Variants in SRRM3 observed in about 807,000 individuals in gnomAD.
SRRM3 encodes serine/arginine repetitive matrix 3.
Under a neutral mutation model 66.2 loss-of-function variants are expected in SRRM3, and 27 were observed. The observed-to-expected ratio is 0.41, with a 90% CI of 0.30 to 0.56. SRRM3 has a LOEUF of 0.56. Ranked by LOEUF, SRRM3 falls within the 20% of genes least tolerant of loss-of-function variation. The pLI is 0.32. For missense variants in SRRM3, 918 were observed against 991.9 expected (o/e 0.93, Z 1.00); for synonymous variants, 391 against 414.9 (o/e 0.94, Z 0.70).
In SRRM3 at chr7:76,260,196, C is replaced by T. The variant is rs915739393; in HGVS notation, c.544C>T (p.Arg182Cys). 1 of 1,536,612 alleles carries T rather than the reference C, an allele frequency of 6.5e-7. No individual in the cohort carries two copies. Among genetic ancestry groups the T allele is most frequent in the South Asian group, 1.2e-5 (1 of 83,032 alleles). ...KKKKGGHRRS[R>C]KKRRLESECS... The stretch of plus-strand genomic sequence containing the variant: ...AAAGAAAGGCGGCCACCGGAGAAGC[C>T]GGTGAGAACCGCGCCTGACCGGAGC... The change falls in exon 5 of 15, where the codon CGC becomes TGC. Residue 182 changes from arginine to cysteine, a missense_variant and splice_region_variant. By Grantham distance (180) the Arg-to-Cys change is radical. Transcript: ENST00000611745.
chr7:76,237,492 T>C (rs1801180658), intron 2 of SRRM3, among the ~76,000 whole-genome samples: 1 of 152,168 alleles, frequency 6.6e-6, no homozygotes, highest in Non-Finnish European at 1.5e-5. Context: ...GGAGAATCGC[T>C]TGAACCCGCG....
chr7:76,282,677 C>A lies in SRRM3; in HGVS notation c.1400C>A (p.Pro467His). Residue 467 changes from proline (P) to histidine (H), a missense_variant, in exon 13 of 15, where the codon CCC (proline) becomes CAC (histidine). Pro to His is a moderately conservative substitution (Grantham distance 77). Transcript: ENST00000611745. ...RAKERPPRAR[P>H]ASTSPSPGAH... is the part of the protein sequence containing the mutation. ...AAGGAGCGGCCCCCGCGCGCGCGGC[C>A]CGCCAGCACCTCTCCGTCCCCGGGC... 1 of 1,413,222 alleles carries A rather than the reference C, an allele frequency of 7.1e-7. No individual in the cohort carries two copies. Among genetic ancestry groups the A allele is most frequent in the Non-Finnish European group, 9.2e-7 (1 of 1,091,724 alleles). The allele number at this position is 1,413,222 out of a possible 1,614,324, so 87.5% of individuals were successfully genotyped here.
At chr7:76,264,645 G>T in intron 8 of SRRM3, 120 bp from the exon 9 acceptor site, 1 of 1,014,016 alleles carries the variant, frequency 9.9e-7, no homozygotes, top group Non-Finnish European at 1.5e-6. Flanking sequence ...GCCAGCCATG[G>T]GGCTTAGGCC....
At chr7:76,284,129 A>AGCCAGACC (rs1202756329) in intron 14 of SRRM3, among the ~76,000 whole-genome samples, 1 of 151,514 alleles carries the variant, frequency 6.6e-6, no homozygotes, top group African/African-American at 2.4e-5. Context: ...CAGAGCTCAA[A>AGCCAGACC]GCCAGACCGC....
rs529860738 is a variant in SRRM3, at chr7:76,275,513, A to G, written c.1009-5928A>G. Among the ~76,000 whole-genome samples the G allele has an allele frequency of 7.1e-3, 1,079 of 151,482 alleles. 10 individuals are homozygous for G. Among genetic ancestry groups the G allele is most frequent in the African/African-American group, 0.023 (926 of 41,034 alleles). ...CTGCTCCCTCAAAAAAAAAAAAAAA[A>G]AAAAGAAAAGAAAAGAAGGAAAGTG... On this transcript the variant is annotated intron_variant, in intron 11 of 14. Coordinates refer to ENST00000611745, the MANE Select transcript of SRRM3 (RefSeq NM_001110199.3).
At chr7:76,237,967 A>G (rs114067969) in intron 2 of SRRM3, among the ~76,000 whole-genome samples, 1,568 of 151,754 alleles carry the variant, frequency 0.01, 30 homozygotes, top group African/African-American at 0.036. Context: ...AGCACCCACT[A>G]TGTCCCCACT....
intron 1 of SRRM3, among the ~76,000 whole-genome samples, chr7:76,220,321 T>C (rs1050877434): frequency 1.3e-5 from 2 of 152,108 alleles, no homozygotes; most frequent in East Asian, 3.8e-4. Flanking sequence ...CAGGGAAGGC[T>C]TCACGGAGGA....
intron 8 of SRRM3, among the ~76,000 whole-genome samples, chr7:76,262,473 G>A (rs1196272397): frequency 7.1e-6 from 1 of 139,898 alleles, no homozygotes; most frequent in African/African-American, 2.8e-5. Flanking sequence ...GCAGTGGAGT[G>A]CACAGCACTC....
intron 2 of SRRM3, among the ~76,000 whole-genome samples, chr7:76,243,282 C>T (rs1801354715): frequency 6.6e-6 from 1 of 152,140 alleles, no homozygotes; most frequent in African/African-American, 2.4e-5. Flanking sequence ...CTCTGTCTCT[C>T]CCCGTCATCA....
chr7:76,251,191 C>T (rs148257343), intron 3 of SRRM3, among the ~76,000 whole-genome samples: 5 of 152,236 alleles, frequency 3.3e-5, no homozygotes, highest in African/African-American at 1.2e-4. Context: ...CTTCCACATG[C>T]TCTTTGTCCT....
intron 1 of SRRM3, among the ~76,000 whole-genome samples, chr7:76,216,506 A>T (rs1800574689): frequency 6.6e-6 from 1 of 152,108 alleles, no homozygotes; most frequent in Non-Finnish European, 1.5e-5. Context: ...CTGAGCCTTG[A>T]TTTCTTCAAT....
intron 1 of SRRM3, among the ~76,000 whole-genome samples, chr7:76,227,932 C>A (rs1800919552): frequency 6.6e-6 from 1 of 152,118 alleles, no homozygotes; most frequent in Admixed American, 6.6e-5. Flanking sequence ...TGCAGTGGCG[C>A]AAACTCAGGT....
intron 1 of SRRM3, among the ~76,000 whole-genome samples, chr7:76,213,033 G>A (rs6956113): frequency 0.015 from 1,953 of 128,996 alleles, 52 homozygotes; most frequent in African/African-American, 0.053. Flanking sequence ...TTTTTGAGAC[G>A]GAGTCTCACT....
At position 76,277,769 on chromosome 7, in the gene SRRM3, A is replaced by T. The variant is rs545659563; in HGVS notation, c.1009-3672A>T. ...GAGAAAGAAAGAAAAGAAAAAGAAG[A>T]AGTAGCTGGCTCAGGTTCAAACTCC... On this transcript the variant is annotated intron_variant, in intron 11 of 14. Coordinates refer to ENST00000611745, the MANE Select transcript of SRRM3 (RefSeq NM_001110199.3). Among the ~76,000 whole-genome samples the T allele has an allele frequency of 1.6e-3, 139 of 86,312 alleles. 1 individual carries two copies. The highest frequency in any genetic ancestry group is 6.5e-3 in the African/African-American group (133 of 20,582). 56.6% of individuals were successfully genotyped at this position (86,312 alleles called of 152,430 possible).
Position 76,283,064 on chromosome 7 carries a change from G to C in SRRM3, c.1696G>C (p.Asp566His). 2 of 1,485,556 alleles carry C rather than the reference G, an allele frequency of 1.3e-6. No individual in the cohort carries two copies. The highest frequency in any genetic ancestry group is 1.8e-6 in the Non-Finnish European group (2 of 1,129,018). 92.0% of individuals were successfully genotyped at this position (1,485,556 alleles called of 1,614,324 possible). Residue 566 changes from aspartate to histidine, a missense_variant, in exon 14 of 15, where the codon GAC becomes CAC. Transcript: ENST00000611745. ...CTCGCCCATCCGCAAGCGGCGCCGG[G>C]ACTCGCCAAGCTTCATGGAGCCGCG... ...SYSPIRKRRR[D>H]SPSFMEPRRI...
At chr7:76,265,329 T>G in intron 9 of SRRM3, 35 bp from the exon 10 acceptor site, 2 of 1,531,408 alleles carry the variant, frequency 1.3e-6, no homozygotes. Context: ...GGGGGCAGAA[T>G]TGAGGTACAG....
intron 1 of SRRM3, among the ~76,000 whole-genome samples, chr7:76,211,944 A>G (rs576897658): frequency 6.7e-6 from 1 of 149,882 alleles, no homozygotes; most frequent in East Asian, 2.0e-4. Context: ...GGCTCAAGCA[A>G]TGCTCCTGCC....
chr7:76,268,878 C>T (rs1272416945), intron 11 of SRRM3: 10 of 152,368 alleles, frequency 6.6e-5, no homozygotes, highest in African/African-American at 2.4e-4. Flanking sequence ...GAGGGGCACC[C>T]ACCATCCCCC....
chr7:76,283,737 G>C (rs58976584), intron 14 of SRRM3: 1 of 1,189,194 alleles, frequency 8.4e-7, no homozygotes, highest in Non-Finnish European at 1.1e-6. Context: ...ACACCTCCTT[G>C]CCCTACACAG....
Sources: gnomAD v4.1 joint callset for allele counts (sites outside exome capture counted in the v4.1 genomes callset) on GRCh38, gnomAD v4.1.1 for gene constraint, MANE v1.5 for transcripts, NCBI Gene and HGNC (gene_info 2026-07-23, HGNC 2026-07-21) for gene names.